Variants in TPRG1 observed in about 807,000 individuals in gnomAD.
The protein encoded by TPRG1 is tumor protein p63-regulated gene 1 protein.
A neutral mutation model predicts 29.3 loss-of-function variants in TPRG1; 29 were observed. That is an observed-to-expected ratio of 0.99 (90% CI 0.74 to 1.35). The LOEUF (loss-of-function observed/expected upper bound fraction) is 1.35, where lower values mean the gene tolerates loss of function less well. Among genes scored for constraint, TPRG1 ranks in the 40% most tolerant of loss-of-function variants. The pLI, the probability that TPRG1 is intolerant of heterozygous loss-of-function variation, is 0.00. For missense variants in TPRG1, 327 were observed against 335.0 expected (o/e 0.98, Z 0.19); for synonymous variants, 130 against 116.8 (o/e 1.11, Z -0.73).
intron 4 of TPRG1, among the ~76,000 whole-genome samples, chr3:189,090,010 T>C (rs938203664): frequency 5.3e-5 from 8 of 152,098 alleles, no homozygotes; most frequent in Admixed American, 3.3e-4. Context: ...TTAATACTTA[T>C]TTTCTATGTA....
At chr3:189,294,526 G>A (rs1451548072) in intron 4 of TPRG1, among the ~76,000 whole-genome samples, 2 of 152,108 alleles carry the variant, frequency 1.3e-5, no homozygotes, top group Non-Finnish European at 2.9e-5. Context: ...AGGCTTACCT[G>A]TAAAAAAATG....
At chr3:189,060,732 A>G (rs543397919) in intron 4 of TPRG1, among the ~76,000 whole-genome samples, 1 of 152,306 alleles carries the variant, frequency 6.6e-6, no homozygotes, top group Non-Finnish European at 1.5e-5. Flanking sequence ...GAATACAGCT[A>G]ACCAGAAAGG....
intron 3 of TPRG1, among the ~76,000 whole-genome samples, chr3:189,216,236 C>G (rs984836361): frequency 6.6e-6 from 1 of 152,128 alleles, no homozygotes; most frequent in South Asian, 2.1e-4. Context: ...GTAACTTGAT[C>G]ACAAAAGGGT....
intron 1 of TPRG1, among the ~76,000 whole-genome samples, chr3:189,189,979 A>T (rs1194287698): frequency 1.3e-5 from 2 of 152,220 alleles, no homozygotes; most frequent in African/African-American, 4.8e-5. Context: ...GACTGGCTAT[A>T]GCCCATTTAA....
chr3:189,023,133 T>C (rs1713454447), intron 3 of TPRG1, among the ~76,000 whole-genome samples: 1 of 152,212 alleles, frequency 6.6e-6, no homozygotes, highest in African/African-American at 2.4e-5. Context: ...TGTCTGGCAC[T>C]CCCTAGTGAG....
intron 3 of TPRG1, among the ~76,000 whole-genome samples, chr3:189,223,870 G>T (rs1196295132): frequency 2.6e-5 from 4 of 152,192 alleles, no homozygotes; most frequent in East Asian, 1.9e-4. Flanking sequence ...ATTATTATTA[G>T]TAGTAATATT....
At chr3:189,233,338 TG>T (rs1247711865) in intron 3 of TPRG1, among the ~76,000 whole-genome samples, 1 of 152,076 alleles carries the variant, frequency 6.6e-6, no homozygotes, top group Non-Finnish European at 1.5e-5. Context: ...CTGGGGCCAC[TG>T]GGAGGGCATC....
intron 4 of TPRG1, among the ~76,000 whole-genome samples, chr3:189,085,950 A>G (rs1054327054): frequency 1.3e-5 from 2 of 152,180 alleles, no homozygotes; most frequent in Admixed American, 6.5e-5. Flanking sequence ...GGATAGATGT[A>G]TATATGAAAG....
intron 2 of TPRG1, among the ~76,000 whole-genome samples, chr3:189,002,643 C>A (rs1027336148): frequency 2.6e-5 from 4 of 152,148 alleles, no homozygotes; most frequent in Non-Finnish European, 4.4e-5. Flanking sequence ...TCACTCCATT[C>A]TCCCTGGAGC....
chr3:189,214,346 A>C (rs1735712882), intron 2 of TPRG1, among the ~76,000 whole-genome samples: 1 of 152,190 alleles, frequency 6.6e-6, no homozygotes, highest in Non-Finnish European at 1.5e-5. Flanking sequence ...AAAAATACCC[A>C]TGTTGTGTCA....
chr3:189,179,919 A>G (rs1363375581), intron 1 of TPRG1, among the ~76,000 whole-genome samples: 2 of 152,226 alleles, frequency 1.3e-5, no homozygotes, highest in Non-Finnish European at 2.9e-5. Context: ...TGGTAAAGAC[A>G]CACATGAGAC....
At chr3:189,288,453 T>C (rs2109185332) in intron 4 of TPRG1, among the ~76,000 whole-genome samples, 1 of 152,270 alleles carries the variant, frequency 6.6e-6, no homozygotes, top group African/African-American at 2.4e-5. Flanking sequence ...ACCATCTAAT[T>C]TTGGGATGAT....
In TPRG1 at chr3:189,166,186, T is replaced by C. The variant is rs146463342; in HGVS notation, c.-10+15314T>C. Among the ~76,000 whole-genome samples the C allele has an allele frequency of 1.7e-3, 262 of 152,370 alleles. 1 individual carries two copies. Among genetic ancestry groups the C allele is most frequent in the African/African-American group, 5.9e-3 (247 of 41,582 alleles). On this transcript the variant is annotated intron_variant, in intron 5 of 6. Coordinates refer to the TPRG1 transcript ENST00000412373. ...CCAAGAGAACAGAGCATTCAGTGTC[T>C]TCAAATGGGAATTCAAGGGACTGTG...
intron 2 of TPRG1, among the ~76,000 whole-genome samples, chr3:189,208,856 G>T (rs1734819733): frequency 6.6e-6 from 1 of 152,202 alleles, no homozygotes; most frequent in South Asian, 2.1e-4. Context: ...ATAGAATAAA[G>T]ATTTATTGCT....
At chr3:189,268,208 G>A (rs910665607) in intron 4 of TPRG1, among the ~76,000 whole-genome samples, 3 of 152,266 alleles carry the variant, frequency 2.0e-5, no homozygotes, top group East Asian at 1.9e-4. Flanking sequence ...TCTTGACTTC[G>A]CCTTTGGGTA....
intron 4 of TPRG1, among the ~76,000 whole-genome samples, chr3:189,052,861 C>G (rs929875100): frequency 6.6e-6 from 1 of 152,120 alleles, no homozygotes; most frequent in African/African-American, 2.4e-5. Flanking sequence ...TATGTTATCA[C>G]TGATATGTGG....
At chr3:189,047,743 C>T (rs1032693948) in intron 4 of TPRG1, among the ~76,000 whole-genome samples, 3 of 152,030 alleles carry the variant, frequency 2.0e-5, no homozygotes, top group East Asian at 3.8e-4. Context: ...ATCATTTTAC[C>T]AGGAGTAGAT....
chr3:189,161,187 C>T (rs1371147264), intron 5 of TPRG1, among the ~76,000 whole-genome samples: 2 of 149,416 alleles, frequency 1.3e-5, no homozygotes, highest in African/African-American at 4.8e-5. Flanking sequence ...TTACGACATA[C>T]AACTGTAGAG....
chr3:189,162,326 A>T (rs1727599821), intron 5 of TPRG1, among the ~76,000 whole-genome samples: 1 of 152,186 alleles, frequency 6.6e-6, no homozygotes, highest in Non-Finnish European at 1.5e-5. Context: ...GCAGGGGGAT[A>T]GCAGCTTGTG....
Sources: allele counts gnomAD v4.1 joint callset (sites outside exome capture counted in the v4.1 genomes callset), GRCh38; gene constraint gnomAD v4.1.1; transcripts MANE v1.5; gene names NCBI Gene and HGNC (gene_info 2026-07-23, HGNC 2026-07-21).